Variants in NAALADL2 observed in about 807,000 individuals in gnomAD.
NAALADL2 encodes the protein N-acetylated alpha-linked acidic dipeptidase like 2, also known as inactive N-acetylated-alpha-linked acidic dipeptidase-like protein 2.
Under a neutral mutation model 87.2 loss-of-function variants are expected in NAALADL2, and 76 were observed. That is an observed-to-expected ratio of 0.87 (90% CI 0.72 to 1.05). The LOEUF is 1.05. Among genes scored for constraint, NAALADL2 ranks in the 50% least tolerant of loss-of-function variants. The probability of loss-of-function intolerance (pLI) is 0.00; values close to 1 mark genes in which losing one functional copy is unlikely to be tolerated. For missense variants in NAALADL2, 1,089 were observed against 945.8 expected (o/e 1.15, Z -1.99); for synonymous variants, 354 against 331.0 (o/e 1.07, Z -0.75).
intron 1 of NAALADL2, among the ~76,000 whole-genome samples, chr3:175,085,846 A>G (rs1718790715): frequency 6.6e-6 from 1 of 152,238 alleles, no homozygotes; most frequent in Admixed American, 6.5e-5. Flanking sequence ...TGAACCCAGG[A>G]GGCAGAGGTT....
chr3:174,556,776 T>G (rs1043200381), intron 2 of NAALADL2, among the ~76,000 whole-genome samples: 1 of 152,186 alleles, frequency 6.6e-6, no homozygotes, highest in Non-Finnish European at 1.5e-5. Flanking sequence ...AGTCTTGCTT[T>G]GTCACCCAGG....
intron 9 of NAALADL2, among the ~76,000 whole-genome samples, chr3:175,506,613 G>C (rs1273807380): frequency 6.6e-6 from 1 of 152,182 alleles, no homozygotes; most frequent in Admixed American, 6.5e-5. Context: ...GATAGTGAGA[G>C]ACAAAACAGA....
intron 1 of NAALADL2, among the ~76,000 whole-genome samples, chr3:174,988,406 T>A (rs1746266514): frequency 6.6e-6 from 1 of 152,196 alleles, no homozygotes; most frequent in African/African-American, 2.4e-5. Flanking sequence ...GGTAACCATG[T>A]AATATAGATG....
At chr3:175,575,999 G>A (rs980798165) in intron 9 of NAALADL2, 42 bp from the exon 10 acceptor site, 3 of 1,534,676 alleles carry the variant, frequency 2.0e-6, no homozygotes, top group Non-Finnish European at 2.7e-6. Context: ...GGATGACCTG[G>A]GAAGCATAGT....
intron 2 of NAALADL2, among the ~76,000 whole-genome samples, chr3:175,129,520 T>A (rs1278431951): frequency 6.6e-6 from 1 of 152,196 alleles, no homozygotes; most frequent in Non-Finnish European, 1.5e-5. Flanking sequence ...TACTCTGCTT[T>A]TATGAATTTG....
chr3:175,357,777 A>T (rs1764558226), intron 5 of NAALADL2, among the ~76,000 whole-genome samples: 1 of 152,190 alleles, frequency 6.6e-6, no homozygotes, highest in African/African-American at 2.4e-5. Flanking sequence ...AAGTAATGGT[A>T]GGTGTGCCTA....
At chr3:174,639,554 A>G (rs1384420153) in intron 2 of NAALADL2, among the ~76,000 whole-genome samples, 2 of 152,148 alleles carry the variant, frequency 1.3e-5, no homozygotes, top group African/African-American at 2.4e-5. Context: ...TTCCCCCTCC[A>G]GAAGTGGTGG....
chr3:175,372,849 A>G (rs948129001), intron 5 of NAALADL2, among the ~76,000 whole-genome samples: 1 of 152,204 alleles, frequency 6.6e-6, no homozygotes, highest in African/African-American at 2.4e-5. Context: ...GCTAAAAGCA[A>G]TTCCAGTTAC....
intron 1 of NAALADL2, among the ~76,000 whole-genome samples, chr3:174,944,810 C>T (rs1739158547): frequency 6.6e-6 from 1 of 152,124 alleles, no homozygotes; most frequent in Admixed American, 6.5e-5. Context: ...CATGGGTTCC[C>T]AGGGGTCACA....
intron 2 of NAALADL2, among the ~76,000 whole-genome samples, chr3:174,586,102 A>G (rs9917694): frequency 0.16 from 24,208 of 152,188 alleles, 2,083 homozygotes; most frequent in Non-Finnish European, 0.18. Context: ...GTTAACAAAT[A>G]CTGGATAAAA....
At chr3:174,748,661 T>C (rs1275734530) in intron 3 of NAALADL2, among the ~76,000 whole-genome samples, 1 of 152,164 alleles carries the variant, frequency 6.6e-6, no homozygotes, top group Non-Finnish European at 1.5e-5. Context: ...TTTCATAAAA[T>C]GTTACGAGAA....
chr3:175,445,890 G>C (rs921387638), intron 5 of NAALADL2, among the ~76,000 whole-genome samples: 1 of 152,044 alleles, frequency 6.6e-6, no homozygotes, highest in Non-Finnish European at 1.5e-5. Context: ...TCTTCCTAGA[G>C]ACCTCCCTCC....
chr3:175,257,110 C>T (rs1280341248), intron 4 of NAALADL2: 1 of 150,870 alleles, frequency 6.6e-6, no homozygotes, highest in Non-Finnish European at 1.5e-5. Context: ...CACAGATACA[C>T]TTATGTAATT....
Position 175,737,415 on chromosome 3 carries a change from A to T in NAALADL2, c.1990+16A>T, listed in dbSNP as rs768519604. On this transcript the variant is annotated intron_variant, in intron 12 of 13. Coordinates refer to ENST00000454872, the MANE Select transcript of NAALADL2 (RefSeq NM_207015.3). Reference sequence around the variant, plus strand: ...AACCTTAAAGGTAATTTTCCTTTGAATTATAGTAATTTTACCAATGAAAAA... The same window carrying T: ...AACCTTAAAGGTAATTTTCCTTTGATTTATAGTAATTTTACCAATGAAAAA... 3.5e-6 allele frequency: 5 copies of T among 1,418,348 alleles called. No individual in the cohort carries two copies. The Admixed American group carries it at 5.2e-5, about 15-fold the overall frequency. 87.9% of individuals were successfully genotyped at this position (1,418,348 alleles called of 1,614,324 possible). A position where few individuals can be genotyped will look rare whatever the true frequency, so the allele number is the denominator to read the frequency against.
At chr3:175,775,774 A>G (rs1750150597) in intron 13 of NAALADL2, among the ~76,000 whole-genome samples, 2 of 152,118 alleles carry the variant, frequency 1.3e-5, no homozygotes, top group South Asian at 4.1e-4. Context: ...ACAAGAGTCA[A>G]CGGAGAAGCA....
intron 2 of NAALADL2, among the ~76,000 whole-genome samples, chr3:174,729,959 T>C (rs1242680008): frequency 6.6e-6 from 1 of 152,098 alleles, no homozygotes; most frequent in Non-Finnish European, 1.5e-5. Context: ...AGACAGGCTC[T>C]TGTCTAATTT....
intron 1 of NAALADL2, among the ~76,000 whole-genome samples, chr3:174,923,044 A>C (rs1323860552): frequency 6.6e-6 from 1 of 152,170 alleles, no homozygotes; most frequent in Non-Finnish European, 1.5e-5. Context: ...ATGTCATTCT[A>C]CAAAAAAAGG....
In NAALADL2 at chr3:175,606,065, C is replaced by T. The variant is rs147051560; in HGVS notation, c.1801-21226C>T. On this transcript the variant is annotated intron_variant, in intron 10 of 13. Transcript: ENST00000454872. Reference sequence around the variant, plus strand: ...TTAGCAACTGTTCTTTACATCACTACGATGTTGTATGTCCTCAGAAGGGAC... The same window carrying T: ...TTAGCAACTGTTCTTTACATCACTATGATGTTGTATGTCCTCAGAAGGGAC... 1.1e-4 allele frequency among the ~76,000 whole-genome samples: 16 copies of T among 152,180 alleles called. 1 individual carries two copies. The highest frequency in any genetic ancestry group is 5.9e-4 in the Admixed American group (9 of 15,286).
At chr3:175,697,817 GTATACATATATATGTGTATTT>G in intron 11 of NAALADL2, among the ~76,000 whole-genome samples, 2 of 104,170 alleles carry the variant, frequency 1.9e-5, no homozygotes, top group Non-Finnish European at 4.2e-5. Context: ...ATTTATGTAT[GTATACATATATATGTGTATTT>G]ATGTATACAT....
Sources: gnomAD v4.1 joint callset for allele counts (sites outside exome capture counted in the v4.1 genomes callset) on GRCh38, gnomAD v4.1.1 for gene constraint, MANE v1.5 for transcripts, NCBI Gene and HGNC (gene_info 2026-07-23, HGNC 2026-07-21) for gene names.